The following ZBTB16 variants were observed in gnomAD, a reference collection of about 807,000 sequenced individuals.
ZBTB16 encodes the protein zinc finger and BTB domain-containing protein 16.
In ZBTB16, 8 loss-of-function variants were observed where a neutral mutation model predicts 56.8. That is an observed-to-expected ratio of 0.14 (90% CI 0.08 to 0.25). The LOEUF (loss-of-function observed/expected upper bound fraction) is 0.25. Among genes scored for constraint, ZBTB16 ranks in the 10% least tolerant of loss-of-function variants. ZBTB16 has a pLI of 1.00. For missense variants in ZBTB16, 625 were observed against 903.0 expected (o/e 0.69, Z 3.95); for synonymous variants, 363 against 368.5 (o/e 0.98, Z 0.17).
intron 2 of ZBTB16, among the ~76,000 whole-genome samples, chr11:114,106,984 G>A (rs760205046): frequency 2.6e-5 from 4 of 152,166 alleles, no homozygotes; most frequent in Non-Finnish European, 5.9e-5. Context: ...TAGTTTCGAC[G>A]AGTTTTATTT....
At chr11:114,127,857 A>G (rs1941552663) in intron 2 of ZBTB16, among the ~76,000 whole-genome samples, 1 of 152,102 alleles carries the variant, frequency 6.6e-6, no homozygotes, top group African/African-American at 2.4e-5. Flanking sequence ...TCATGTGATT[A>G]GCCTTTTGCC....
At chr11:114,142,631 C>A (rs535151794) in intron 2 of ZBTB16, among the ~76,000 whole-genome samples, 1 of 152,146 alleles carries the variant, frequency 6.6e-6, no homozygotes, top group Non-Finnish European at 1.5e-5. Flanking sequence ...CATTTCCTAA[C>A]CATTGTATTC....
chr11:114,155,317 C>T (rs1466801334), intron 2 of ZBTB16, among the ~76,000 whole-genome samples: 1 of 152,220 alleles, frequency 6.6e-6, no homozygotes, highest in African/African-American at 2.4e-5. Flanking sequence ...CATGTATGGG[C>T]CTGACAACAG....
At chr11:114,171,707 G>A (rs1336713857) in intron 3 of ZBTB16, among the ~76,000 whole-genome samples, 1 of 152,194 alleles carries the variant, frequency 6.6e-6, no homozygotes, top group Non-Finnish European at 1.5e-5. Context: ...CATACATAGA[G>A]TTCACAGAGC....
chr11:114,136,868 G>A (rs547452437), intron 2 of ZBTB16, among the ~76,000 whole-genome samples: 1 of 152,096 alleles, frequency 6.6e-6, no homozygotes, highest in Non-Finnish European at 1.5e-5. Flanking sequence ...TGTCTCTGGG[G>A]TTTATGACTG....
intron 2 of ZBTB16, among the ~76,000 whole-genome samples, chr11:114,076,973 G>T (rs1254191829): frequency 2.6e-5 from 4 of 152,098 alleles, no homozygotes; most frequent in Admixed American, 2.0e-4. Context: ...TCAACGGCTG[G>T]GGGGGAGAAT....
At chr11:114,093,776 C>T (rs1228080875) in intron 2 of ZBTB16, among the ~76,000 whole-genome samples, 3 of 152,304 alleles carry the variant, frequency 2.0e-5, no homozygotes, top group East Asian at 3.9e-4. Context: ...TAAGAACAGT[C>T]GAGAACTTTA....
Position 114,151,143 on chromosome 11 carries a change from A to G in ZBTB16, c.1269-5194A>G, listed in dbSNP as rs935803054. 3.3e-5 allele frequency among the ~76,000 whole-genome samples: 5 copies of G among 152,218 alleles called. 1 individual carries two copies. In the South Asian group the frequency reaches 1.0e-3, roughly 31 times the overall value. On this transcript the variant is annotated intron_variant, in intron 2 of 6. Coordinates refer to ENST00000335953, the MANE Select transcript of ZBTB16 (RefSeq NM_006006.6). ...TCAAATTGATGGTCATAGGATCAGA[A>G]AGGGGTGGTCATAGGATCAAAAAGC... is the stretch of plus-strand genomic sequence containing the variant.
At chr11:114,111,521 A>G (rs368472023) in intron 2 of ZBTB16, among the ~76,000 whole-genome samples, 1 of 152,196 alleles carries the variant, frequency 6.6e-6, no homozygotes. Flanking sequence ...TCATGAAATG[A>G]CGCTAAATAA....
In ZBTB16 at chr11:114,115,981, A is replaced by G. The variant is rs181729109; in HGVS notation, c.1269-40356A>G. Among the ~76,000 whole-genome samples, 141 of 152,330 alleles carry G rather than the reference A, an allele frequency of 9.3e-4. 2 individuals carry two copies. Among genetic ancestry groups the G allele is most frequent in the Admixed American group, 7.5e-3 (114 of 15,302 alleles). Reference sequence around the variant, plus strand: ...CCCCTCCCCACCCTGTCCATGAAGCAGGGAATCAAAACCACTGGAAGCAAT... The same window carrying G: ...CCCCTCCCCACCCTGTCCATGAAGCGGGGAATCAAAACCACTGGAAGCAAT... On this transcript the variant is annotated intron_variant, in intron 2 of 6. Coordinates refer to ENST00000335953, the MANE Select transcript of ZBTB16 (RefSeq NM_006006.6).
intron 4 of ZBTB16, among the ~76,000 whole-genome samples, chr11:114,235,690 C>CTTTCTTTCTTTCT (rs1555159923): frequency 4.2e-4 from 29 of 68,284 alleles, no homozygotes; most frequent in African/African-American, 1.8e-3. Flanking sequence ...TTCTTTCTTT[C>CTTTCTTTCTTTCT]TTTTCTTTCT....
chr11:114,115,503 A>T (rs533599521), intron 2 of ZBTB16, among the ~76,000 whole-genome samples: 2 of 152,032 alleles, frequency 1.3e-5, no homozygotes, highest in Admixed American at 1.3e-4. Context: ...AAGGAGAGAG[A>T]TGGGTCCCAC....
intron 4 of ZBTB16, among the ~76,000 whole-genome samples, chr11:114,197,592 A>C (rs623955): frequency 6.6e-6 from 1 of 151,402 alleles, no homozygotes; most frequent in Non-Finnish European, 1.5e-5. Flanking sequence ...GAAGCTTCAG[A>C]GACAGTCCCT....
At chr11:114,148,443 C>G (rs1333699033) in intron 2 of ZBTB16, among the ~76,000 whole-genome samples, 1 of 102,600 alleles carries the variant, frequency 9.7e-6, no homozygotes, top group Admixed American at 1.0e-4. Context: ...CTCTTTCTCT[C>G]TCTCTGTCTG....
chr11:114,190,990 C>T (rs928027094), intron 4 of ZBTB16, among the ~76,000 whole-genome samples: 1 of 152,098 alleles, frequency 6.6e-6, no homozygotes, highest in African/African-American at 2.4e-5. Flanking sequence ...GGGGTGCAGG[C>T]ATGTCACGTG....
chr11:114,091,913 G>A (rs904750480), intron 2 of ZBTB16, among the ~76,000 whole-genome samples: 4 of 152,090 alleles, frequency 2.6e-5, no homozygotes, highest in East Asian at 1.9e-4. Flanking sequence ...TGATGCTTAC[G>A]AGTCATTGGA....
At chr11:114,135,044 C>G (rs1034559976) in intron 2 of ZBTB16, among the ~76,000 whole-genome samples, 3 of 152,198 alleles carry the variant, frequency 2.0e-5, no homozygotes. Context: ...GGCTGTAGTT[C>G]CTTCTCTTGG....
chr11:114,167,232 G>GTTTTTTTT lies in ZBTB16; in HGVS notation c.1366+10812_1366+10819dup, dbSNP rs58946694. Among the ~76,000 whole-genome samples the GTTTTTTTT allele has an allele frequency of 1.0e-3, 89 of 88,716 alleles. 4 individuals carry two copies. The highest frequency in any genetic ancestry group is 1.2e-3 in the Non-Finnish European group (62 of 53,232). 58.2% of individuals were successfully genotyped at this position (88,716 alleles called of 152,430 possible). On this transcript the variant is annotated intron_variant, in intron 3 of 6. Coordinates refer to ENST00000335953, the MANE Select transcript of ZBTB16 (RefSeq NM_006006.6). The stretch of plus-strand genomic sequence containing the variant: ...GGATTTGTGGTTTTTTTTTTTTTTG[G>GTTTTTTTT]TTTTTTTTTTTTTTTTTTTTTGACA...
At chr11:114,076,638 G>A (rs1365350613) in intron 2 of ZBTB16, among the ~76,000 whole-genome samples, 9 of 40,542 alleles carry the variant, frequency 2.2e-4, no homozygotes, top group Non-Finnish European at 4.3e-4. Flanking sequence ...CCCCACCCCC[G>A]CCCCCTTGGC....
Sources: allele counts gnomAD v4.1 joint callset (sites outside exome capture counted in the v4.1 genomes callset), GRCh38; gene constraint gnomAD v4.1.1; transcripts MANE v1.5; gene names NCBI Gene and HGNC (gene_info 2026-07-23, HGNC 2026-07-21).